Variants in AKAIN1 observed in about 807,000 individuals in gnomAD.
The protein encoded by AKAIN1 is A-kinase anchor protein inhibitor 1.
Under a neutral mutation model 3.7 loss-of-function variants are expected in AKAIN1, and 3 were observed. That is an observed-to-expected ratio of 0.82 (90% CI 0.37 to 2.12). The LOEUF is 2.12. Ranked by LOEUF, AKAIN1 falls within the 30% of genes most tolerant of loss-of-function variation. AKAIN1 has a pLI of 0.06. For missense variants in AKAIN1, 82 were observed against 82.7 expected, an observed-to-expected ratio of 0.99 and a Z score of 0.03; for synonymous variants, 31 against 30.8, an observed-to-expected ratio of 1.01 and a Z score of -0.02.
intron 1 of AKAIN1, among the ~76,000 whole-genome samples, chr18:5,173,180 T>C (rs9950787): frequency 0.1 from 15,451 of 152,186 alleles, 1,065 homozygotes; most frequent in African/African-American, 0.2. Flanking sequence ...CTACATAATA[T>C]ATGCAAATTT....
At chr18:5,189,032 C>G (rs568966632) in intron 1 of AKAIN1, among the ~76,000 whole-genome samples, 1 of 152,224 alleles carries the variant, frequency 6.6e-6, no homozygotes, top group Non-Finnish European at 1.5e-5. Flanking sequence ...CCAAGGCTTA[C>G]AGCTTGTACC....
chr18:5,152,024 G>A (rs28379202), intron 1 of AKAIN1, among the ~76,000 whole-genome samples: 22,364 of 152,144 alleles, frequency 0.15, 1,771 homozygotes, highest in Non-Finnish European at 0.16. Context: ...TAATCAGCTG[G>A]GTTTATAATT....
chr18:5,148,811 C>T (rs1298340188), intron 1 of AKAIN1, among the ~76,000 whole-genome samples: 2 of 151,984 alleles, frequency 1.3e-5, no homozygotes, highest in Non-Finnish European at 2.9e-5. Flanking sequence ...AAGCTGAGAT[C>T]ATGCCACTGC....
chr18:5,149,437 T>C (rs1454066393), intron 1 of AKAIN1, among the ~76,000 whole-genome samples: 1 of 152,144 alleles, frequency 6.6e-6, no homozygotes, highest in Non-Finnish European at 1.5e-5. Flanking sequence ...TAGCCAAGTG[T>C]CCAGGAACCG....
rs1223057563 is a variant in AKAIN1 at position 5,143,545 on chromosome 18, C to G, written c.*2017G>C. Among the ~76,000 whole-genome samples, 4 of 152,166 alleles carry G rather than the reference C, an allele frequency of 2.6e-5. No homozygotes were observed. The highest frequency in any genetic ancestry group is 9.7e-5 in the African/African-American group (4 of 41,446). ...CCTCACACAGTCACAGTGAAGGGCC[C>G]ATTAAGGAAGCACTTCCCCTGGTCA... On this transcript the variant is annotated 3_prime_UTR_variant, in exon 2 of 2. Transcript: ENST00000434239.
chr18:5,196,946 CGTAAG>C, intron 1 of AKAIN1, 87 bp downstream of exon 1: 1 of 1,146,682 alleles, frequency 8.7e-7, no homozygotes, highest in South Asian at 1.3e-5. Flanking sequence ...GCAGATGGGC[CGTAAG>C]GTAAAGAGGC....
In AKAIN1 at chr18:5,145,742, T is replaced by G. The variant is rs1438194515; in HGVS notation, c.30A>C (p.Gly10=). 2.6e-6 allele frequency: 4 copies of G among 1,550,468 alleles called. No individual in the cohort carries two copies. The highest frequency in any genetic ancestry group is 3.9e-5 in the Admixed American group (2 of 50,938). ...GCAGCTTCACCTCTTCAGGCTCATT[T>G]CCAGGTTTCTCACCTAGCCAAAAAC... is the stretch of plus-strand genomic sequence containing the variant. MVFAPGEKP[G]NEPEEVKLQN... is the part of the protein sequence containing the mutation. The change falls in exon 2 of 2, where the codon GGA becomes GGC. Residue 10 remains glycine, a synonymous_variant. Coordinates refer to ENST00000434239, the MANE Select transcript of AKAIN1 (RefSeq NM_001145194.2).
At chr18:5,196,334 G>A (rs1168909627) in intron 1 of AKAIN1, among the ~76,000 whole-genome samples, 1 of 152,248 alleles carries the variant, frequency 6.6e-6, no homozygotes, top group African/African-American at 2.4e-5. Flanking sequence ...AAATGCGCAC[G>A]CACGCACACG....
At chr18:5,179,348 CCA>C in intron 1 of AKAIN1, among the ~76,000 whole-genome samples, 1 of 151,850 alleles carries the variant, frequency 6.6e-6, no homozygotes, top group Non-Finnish European at 1.5e-5. Flanking sequence ...GCCTCTAGTT[CCA>C]GTCATGTTGC....
intron 1 of AKAIN1, among the ~76,000 whole-genome samples, chr18:5,181,551 C>T (rs770548879): frequency 6.6e-6 from 1 of 152,104 alleles, no homozygotes; most frequent in Non-Finnish European, 1.5e-5. Flanking sequence ...TTACATTCAT[C>T]TCATCTGCCC....
intron 1 of AKAIN1, among the ~76,000 whole-genome samples, chr18:5,161,110 C>T (rs2071136806): frequency 6.6e-6 from 1 of 152,006 alleles, no homozygotes; most frequent in South Asian, 2.1e-4. Context: ...TTGGCTGGGA[C>T]TCCATAGTTC....
rs1567882323 is a variant in AKAIN1 at position 5,197,084 on chromosome 18, AAG to A, written c.-33_-32del. ...CTTCCAGCCGCTACGCCCCCAGATT[AAG>A]AGAGAAAGACAGGCAGACGGAGGAT... On this transcript the variant is annotated 5_prime_UTR_variant, in exon 1 of 2. Transcript: ENST00000434239. The surrounding 1 kb of genome is among the most constrained non-coding windows in gnomAD (Gnocchi z 6.9). 6 of 1,551,394 alleles carry A rather than the reference AAG, an allele frequency of 3.9e-6. No individual in the cohort carries two copies. The highest frequency in any genetic ancestry group is 4.4e-6 in the Non-Finnish European group (5 of 1,146,900).
Position 5,197,208 on chromosome 18 carries a change from G to C in AKAIN1, c.-155C>G, listed in dbSNP as rs1477686662. On this transcript the variant is annotated 5_prime_UTR_variant, in exon 1 of 2. The change creates a new upstream start codon in the 5' untranslated region. Transcript: ENST00000434239. The surrounding 1 kb of genome is among the most constrained non-coding windows in gnomAD (Gnocchi z 6.9). ...GCACCCCGGACAGCTCCCGCCGCTA[G>C]ATCCTGGGGCCGCAGCTCCAGCCGC... 2.1e-5 allele frequency: 29 copies of C among 1,413,726 alleles called. No homozygotes were observed. Among genetic ancestry groups the C allele is most frequent in the Non-Finnish European group, 2.5e-5 (27 of 1,093,268 alleles). The allele number at this position is 1,413,726 out of a possible 1,614,324, so 87.6% of individuals were successfully genotyped here.
chr18:5,179,524 G>A (rs1483180526), intron 1 of AKAIN1, among the ~76,000 whole-genome samples: 1 of 152,000 alleles, frequency 6.6e-6, no homozygotes, highest in Non-Finnish European at 1.5e-5. Flanking sequence ...ATTGTGAATA[G>A]TGCTGCAATA....
intron 1 of AKAIN1, among the ~76,000 whole-genome samples, chr18:5,179,169 TTAAG>T (rs1567877688): frequency 6.6e-6 from 1 of 152,140 alleles, no homozygotes; most frequent in African/African-American, 2.4e-5. Context: ...ATTGTACCCA[TTAAG>T]TAATTTCTTA....
intron 1 of AKAIN1, among the ~76,000 whole-genome samples, chr18:5,158,971 G>T (rs1169199208): frequency 1.3e-5 from 2 of 152,096 alleles, no homozygotes; most frequent in Non-Finnish European, 2.9e-5. Flanking sequence ...CCTACAAATA[G>T]GATAAAGAAA....
At chr18:5,155,170 G>T (rs2143318705) in intron 1 of AKAIN1, among the ~76,000 whole-genome samples, 1 of 152,184 alleles carries the variant, frequency 6.6e-6, no homozygotes, top group East Asian at 2.0e-4. Flanking sequence ...ACAGGCGCGA[G>T]CCACTGCACG....
chr18:5,196,945 C>T, intron 1 of AKAIN1, 93 bp downstream of exon 1: 2 of 1,138,976 alleles, frequency 1.8e-6, no homozygotes, highest in Non-Finnish European at 2.6e-6. Context: ...CGCAGATGGG[C>T]CGTAAGGTAA....
upstream of AKAIN1, chr18:5,197,488 T>C: frequency 8.8e-7 from 1 of 1,140,326 alleles, no homozygotes. The surrounding 1 kb of genome is among the most constrained non-coding windows in gnomAD (Gnocchi z 6.9). Context: ...TGGACTGACA[T>C]TTAAGATAGA....
Sources: gnomAD v4.1 joint callset for allele counts (sites outside exome capture counted in the v4.1 genomes callset) on GRCh38, gnomAD v4.1.1 for gene constraint, Gnocchi (gnomAD v3.1) non-coding constraint, MANE v1.5 for transcripts, NCBI Gene and HGNC (gene_info 2026-07-23, HGNC 2026-07-21) for gene names.